Variants in STRC observed in about 807,000 individuals in gnomAD.
The protein encoded by STRC is stereocilin.
STRC carries 43 observed loss-of-function variants against 103.5 expected under a neutral mutation model. That is an observed-to-expected ratio of 0.42 (90% CI 0.33 to 0.54). The LOEUF is 0.54. STRC is among the 20% of genes least tolerant of loss of function. STRC has a pLI of 0.14. For synonymous variants in STRC, 186 were observed against 442.3 expected (o/e 0.42, Z 7.27); for missense variants, 499 against 1,088.5 (o/e 0.46, Z 7.62).
At chr15:43,601,682 T>A in intron 23 of STRC, 131 bp from the exon 24 acceptor site, 1 of 946,872 alleles carries the variant, frequency 1.1e-6, no homozygotes. Flanking sequence ...TTTAGTTTCC[T>A]CCACTATAAA....
chr15:43,600,869 G>T lies in STRC; in HGVS notation c.4844+3C>A. 6.2e-7 allele frequency: 1 copy of T among 1,613,438 alleles called. No individual in the cohort carries two copies. Among genetic ancestry groups the T allele is most frequent in the Non-Finnish European group, 8.5e-7 (1 of 1,179,834 alleles). ...CACCACCCTCAGCCCCTTCACAAAT[G>T]ACCTGAACTCCCAACTGCTGATGTG... On this transcript the variant is annotated splice_donor_region_variant and intron_variant, in intron 25 of 28. Transcript: ENST00000450892.
chr15:43,601,674 T>C, intron 23 of STRC, 123 bp from the exon 24 acceptor site: 2 of 1,021,016 alleles, frequency 2.0e-6, no homozygotes, highest in East Asian at 5.2e-5. Context: ...GCCTTTTCTT[T>C]AGTTTCCTCC....
At chr15:43,602,741 T>C (rs1242438558) in intron 23 of STRC, 1 of 174,464 alleles carries the variant, frequency 5.7e-6, no homozygotes, top group Non-Finnish European at 1.2e-5. Flanking sequence ...CCCTCCCAGG[T>C]TCACGCCATT....
chr15:43,604,003 A>T lies in STRC; in HGVS notation c.4368T>A (p.Asp1456Glu), dbSNP rs767877741. ...VAGVVRPAAE[D>E]LPEPVPNCAD... ...GTATTTGGGTAGTTTCACCTGGAAGATCCTCAGCAGCTGGTCGCACCACCC... is the reference window on the plus strand; with the variant it reads ...GTATTTGGGTAGTTTCACCTGGAAGTTCCTCAGCAGCTGGTCGCACCACCC... Residue 1456 changes from aspartate (D) to glutamate (E), a missense_variant, in exon 22 of 29, where the codon GAT becomes GAA. By Grantham distance (45) the Asp-to-Glu change is conservative. Coordinates refer to ENST00000450892, the MANE Select transcript of STRC (RefSeq NM_153700.2). The T allele has an allele frequency of 1.2e-6, 2 of 1,613,118 alleles. No individual in the cohort carries two copies. Among genetic ancestry groups the T allele is most frequent in the African/African-American group, 2.7e-5 (2 of 74,972 alleles).
rs2085654845 is a variant in STRC, at chr15:43,600,273, G to A, written c.5014C>T (p.Leu1672Phe). ...ATCTGTCCCCGCAGCAGTGCTGAAA[G>A]AGCCAGGTCTGGGATCCCAGCTGTT... Reference protein sequence around the residue: ...TIAAGIPDLALSALLRGQIQG... With the variant: ...TIAAGIPDLAFSALLRGQIQG... Residue 1672 changes from leucine to phenylalanine, a missense_variant, in exon 27 of 29, where the codon CTT (leucine) becomes TTT (phenylalanine). Leu to Phe is a conservative substitution (Grantham distance 22, BLOSUM62 0). Transcript: ENST00000450892. 1 of 1,130,328 alleles carries A rather than the reference G, an allele frequency of 8.8e-7. No individual in the cohort carries two copies. 70.0% of individuals were successfully genotyped at this position (1,130,328 alleles called of 1,614,324 possible). A position where few individuals can be genotyped will look rare whatever the true frequency, so the allele number is the denominator to read the frequency against.
At chr15:43,609,510 A>G in intron 15 of STRC, 176 bp from the exon 16 acceptor site, 1 of 639,666 alleles carries the variant, frequency 1.6e-6, no homozygotes, top group South Asian at 1.8e-5. Context: ...AAAGAAATGA[A>G]AGAAAAGGGA....
intron 18 of STRC, among the ~76,000 whole-genome samples, chr15:43,606,465 TG>T (rs2085711013): frequency 6.7e-6 from 1 of 149,718 alleles, no homozygotes; most frequent in Admixed American, 6.6e-5. Flanking sequence ...CCGGGTGTGG[TG>T]GCACGCGCCT....
In STRC at chr15:43,604,036, C is replaced by T. The variant is rs746825677; in HGVS notation, c.4335G>A (p.Leu1445=). Residue 1445 remains leucine, a synonymous_variant, in exon 22 of 29, where the codon CTG becomes CTA. Coordinates refer to ENST00000450892, the MANE Select transcript of STRC (RefSeq NM_153700.2). ...EPQLAAKKAA[L]VAGVVRPAAE... ...CAGCTGGTCGCACCACCCCTGCTAC[C>T]AGGGCTGCTTTCTTGGCAGCAAGCT... 5.0e-6 allele frequency: 8 copies of T among 1,613,342 alleles called. No homozygotes were observed. Among genetic ancestry groups the T allele is most frequent in the Non-Finnish European group, 5.9e-6 (7 of 1,179,656 alleles).
At chr15:43,601,209 T>G (rs770973716) in intron 24 of STRC, among the ~76,000 whole-genome samples, 187 bp downstream of exon 24, 1 of 151,830 alleles carries the variant, frequency 6.6e-6, no homozygotes, top group Non-Finnish European at 1.5e-5. Context: ...GACAGTATTA[T>G]GTGTCCAGGG....
chr15:43,604,902 C>T (rs1162172038), intron 19 of STRC, 56 bp from the exon 20 acceptor site: 3 of 1,564,656 alleles, frequency 1.9e-6, no homozygotes, highest in East Asian at 2.3e-5. Flanking sequence ...ATACCAGACA[C>T]CTTGATCAAG....
rs758509683 is a variant in STRC at position 43,607,880 on chromosome 15, C to A, written c.3777G>T (p.Lys1259Asn). 1 of 1,595,116 alleles carries A rather than the reference C, an allele frequency of 6.3e-7. No individual in the cohort carries two copies. Among genetic ancestry groups the A allele is most frequent in the South Asian group, 1.1e-5 (1 of 90,606 alleles). ...GTACTTACGGTAAGTCCAGGAGTAG[C>A]TTGCTATCCAGCCCGTTCAGTTCTG... ...VGPELNGLDS[K>N]LLLDLPIQLM... Residue 1259 changes from lysine (K) to asparagine (N), a missense_variant, in exon 18 of 29, where the codon AAG (lysine) becomes AAT (asparagine). Physicochemically the swap from Lys to Asn is moderately conservative, Grantham distance 94. Coordinates refer to ENST00000450892, the MANE Select transcript of STRC (RefSeq NM_153700.2).
chr15:43,611,284 AG>A lies in STRC; in HGVS notation c.3169del (p.Leu1057PhefsTer84). On this transcript the variant is annotated frameshift_variant, in exon 13 of 29. Transcript: ENST00000450892. LOFTEE classifies it high-confidence loss of function. ...LSLEELCSLH[L>X]LLPGLSPQTL... ...CTGGGGGCTGAGGCCTGGTAGCAGA[AG>A]GTGCAAGGAGCAGAGTTCCTCCAGG... is the stretch of plus-strand genomic sequence containing the variant. 1.6e-6 allele frequency: 1 copy of A among 623,676 alleles called. No homozygotes were observed. Among genetic ancestry groups the A allele is most frequent in the Non-Finnish European group, 2.8e-6 (1 of 361,356 alleles). 38.6% of individuals were successfully genotyped at this position (623,676 alleles called of 1,614,324 possible).
chr15:43,603,941 C>G (rs1192099896), intron 22 of STRC, 55 bp downstream of exon 22: 1 of 1,610,550 alleles, frequency 6.2e-7, no homozygotes. Flanking sequence ...GAACCCAGAC[C>G]GTTTGATACT....
rs772061973 is a variant in STRC, at chr15:43,600,640, A to G, written c.4887T>C (p.Ser1629=). ...LFLGTLHLQC[S]EEQLEVLAHL... ...GGGCCAGAACCTCCAGTTGTTCCTC[A>G]GAGCACTGGAGATGCAGGGTGCCGA... The change falls in exon 26 of 29, where the codon TCT becomes TCC. Residue 1629 remains serine (S), a synonymous_variant. Coordinates refer to ENST00000450892, the MANE Select transcript of STRC (RefSeq NM_153700.2). 2.0e-5 allele frequency: 32 copies of G among 1,613,644 alleles called. No individual in the cohort carries two copies. The East Asian group carries it at 6.9e-4, about 35-fold the overall frequency.
intron 21 of STRC, 57 bp downstream of exon 21, chr15:43,604,304 A>C (rs1301875907): frequency 6.3e-7 from 1 of 1,585,594 alleles, no homozygotes; most frequent in African/African-American, 1.3e-5. Context: ...GGTCCCCATA[A>C]CCAGCTCACC....
intron 22 of STRC, 50 bp downstream of exon 22, chr15:43,603,946 G>C (rs1193623401): frequency 2.5e-6 from 4 of 1,611,136 alleles, no homozygotes; most frequent in Non-Finnish European, 2.5e-6. Context: ...CAGACCGTTT[G>C]ATACTCCCTG....
intron 26 of STRC, 47 bp downstream of exon 26, chr15:43,600,487 G>A: frequency 1.2e-6 from 2 of 1,605,390 alleles, no homozygotes; most frequent in Non-Finnish European, 8.5e-7. Context: ...TCCACCCATG[G>A]TATAGAAACC....
Position 43,604,703 on chromosome 15 carries a change from T to C in STRC, c.4074A>G (p.Gly1358=), listed in dbSNP as rs769983052. 1 of 1,613,600 alleles carries C rather than the reference T, an allele frequency of 6.2e-7. No homozygotes were observed. Among genetic ancestry groups the C allele is most frequent in the Admixed American group, 1.7e-5 (1 of 59,992 alleles). Residue 1358 remains glycine, a synonymous_variant, in exon 20 of 29, where the codon GGA becomes GGG. Transcript: ENST00000450892. The part of the protein sequence containing the change: ...HLSQLQGFCL[G]ETFATELGWL... ...ATCCCAGCTCTGTGGCAAATGTCTC[T>C]CCTAGGCAGAAGCCTTGCAGCTGAC...
At chr15:43,601,737 A>G (rs2085670549) in intron 23 of STRC, 186 bp from the exon 24 acceptor site, 8 of 627,942 alleles carry the variant, frequency 1.3e-5, no homozygotes, top group East Asian at 2.8e-5. Context: ...TTTGAAAGAC[A>G]TTACAATCAG....
Sources: gnomAD v4.1 joint callset for allele counts (sites outside exome capture counted in the v4.1 genomes callset) on GRCh38, gnomAD v4.1.1 for gene constraint, MANE v1.5 for transcripts, NCBI Gene and HGNC (gene_info 2026-07-23, HGNC 2026-07-21) for gene names.